Variants in PHAF1 observed in about 807,000 individuals in gnomAD.
The protein encoded by PHAF1 is phagophore assembly factor 1.
A neutral mutation model predicts 63.1 loss-of-function variants in PHAF1; 23 were observed. The ratio of observed to expected loss-of-function variants is 0.36; its 90% confidence interval spans 0.26 to 0.52. The LOEUF (loss-of-function observed/expected upper bound fraction) is 0.52, where lower values mean the gene tolerates loss of function less well. PHAF1 is among the 20% of genes least tolerant of loss of function. The probability of loss-of-function intolerance (pLI) is 0.93; values close to 1 mark genes in which losing one functional copy is unlikely to be tolerated. For synonymous variants in PHAF1, 167 were observed against 185.0 expected (o/e 0.90, Z 0.79); for missense variants, 427 against 517.2 (o/e 0.83, Z 1.69).
rs1349969877 is a variant in PHAF1 at position 67,140,741 on chromosome 16, A to G, written c.879+147A>G. On this transcript the variant is annotated intron_variant, in intron 10 of 15. Coordinates refer to ENST00000219139, the MANE Select transcript of PHAF1 (RefSeq NM_025187.5). ...CTGTCTTTGCCCAGGGTTGTTTTGC[A>G]TAGGCTCTGGTACTCCAAAGTAGAC... 3.6e-5 allele frequency: 24 copies of G among 669,848 alleles called. 1 individual carries two copies. The South Asian group carries it at 4.0e-4, about 11-fold the overall frequency. 41.5% of individuals were successfully genotyped at this position (669,848 alleles called of 1,614,324 possible). A position where few individuals can be genotyped will look rare whatever the true frequency, so the allele number is the denominator to read the frequency against.
intron 4 of PHAF1, 61 bp downstream of exon 4, chr16:67,131,390 C>A: frequency 8.3e-7 from 1 of 1,202,658 alleles, no homozygotes; most frequent in Non-Finnish European, 1.2e-6. Context: ...TATCTACTAT[C>A]TTCATAAGTT....
At position 67,145,640 on chromosome 16, in the gene PHAF1, T is replaced by G. The variant is rs375483976; in HGVS notation, c.1109+12T>G. 14 of 1,607,970 alleles carry G rather than the reference T, an allele frequency of 8.7e-6. No individual in the cohort carries two copies. The highest frequency in any genetic ancestry group is 1.3e-5 in the African/African-American group (1 of 74,500). ...GTTGTCCTGCACAGGTGAGTGGGAGTTTGATGTCCCCGGCCACCCCACCTG... is the reference window on the plus strand; with the variant it reads ...GTTGTCCTGCACAGGTGAGTGGGAGGTTGATGTCCCCGGCCACCCCACCTG... On this transcript the variant is annotated intron_variant, in intron 14 of 15. Coordinates refer to ENST00000219139, the MANE Select transcript of PHAF1 (RefSeq NM_025187.5).
intron 14 of PHAF1, 34 bp downstream of exon 14, chr16:67,145,662 C>A: frequency 6.3e-7 from 1 of 1,595,886 alleles, no homozygotes; most frequent in Non-Finnish European, 8.5e-7. Context: ...GGCCACCCCA[C>A]CTGACTCCTC....
At chr16:67,110,968 C>T (rs1439591383) in intron 1 of PHAF1, among the ~76,000 whole-genome samples, 1 of 152,172 alleles carries the variant, frequency 6.6e-6, no homozygotes, top group Non-Finnish European at 1.5e-5. Context: ...CGCGCCACCA[C>T]ACCCGGCTAA....
chr16:67,126,001 G>A lies in PHAF1; in HGVS notation c.190G>A (p.Gly64Arg), dbSNP rs1330328567. ...CCTCATTCTTAACCTGACTCAGGAC[G>A]GGATCAAACTAATGTTTGATGCTTT... The part of the protein sequence containing the change: ...HDLILNLTQD[G>R]IKLMFDAFNQ... The change falls in exon 3 of 16, where the codon GGG becomes AGG. Residue 64 changes from glycine to arginine, a missense_variant. By Grantham distance (125) the Gly-to-Arg change is moderately radical. Coordinates refer to ENST00000219139, the MANE Select transcript of PHAF1 (RefSeq NM_025187.5). 5 of 1,612,968 alleles carry A rather than the reference G, an allele frequency of 3.1e-6. No homozygotes were observed. Among genetic ancestry groups the A allele is most frequent in the South Asian group, 1.1e-5 (1 of 91,056 alleles).
At position 67,144,275 on chromosome 16, in the gene PHAF1, C is replaced by T. The variant is rs1425843691; in HGVS notation, c.880-19C>T. The stretch of plus-strand genomic sequence containing the variant: ...CTCAGTAACATTCCCTCCTTGAGTA[C>T]CCTTGTTTTCTATCCCAGGACATCC... On this transcript the variant is annotated intron_variant, in intron 10 of 15. Coordinates refer to ENST00000219139, the MANE Select transcript of PHAF1 (RefSeq NM_025187.5). The T allele has an allele frequency of 6.9e-6, 11 of 1,584,148 alleles. No homozygotes were observed. In the South Asian group the frequency reaches 8.9e-5, roughly 13 times the overall value.
intron 10 of PHAF1, among the ~76,000 whole-genome samples, chr16:67,143,971 G>T (rs1168419197): frequency 6.6e-6 from 1 of 151,966 alleles, no homozygotes; most frequent in Non-Finnish European, 1.5e-5. Flanking sequence ...GCGTGGTGGT[G>T]GGCGCCTGTA....
intron 1 of PHAF1, among the ~76,000 whole-genome samples, chr16:67,119,493 T>A (rs1962886345): frequency 6.6e-6 from 1 of 151,506 alleles, no homozygotes; most frequent in African/African-American, 2.4e-5. Flanking sequence ...AAAATAAAAA[T>A]GTAAAAAGGG....
At chr16:67,134,549 G>A (rs1567649479) in intron 8 of PHAF1, 82 bp downstream of exon 8, 1 of 1,156,900 alleles carries the variant, frequency 8.6e-7, no homozygotes, top group Non-Finnish European at 1.3e-6. Flanking sequence ...CTTAGGGTGT[G>A]TCTCAGTCCA....
chr16:67,130,447 C>T (rs1963351167), intron 3 of PHAF1, among the ~76,000 whole-genome samples: 1 of 148,028 alleles, frequency 6.8e-6, no homozygotes, highest in South Asian at 2.2e-4. Context: ...CTCCTGGGTT[C>T]AAGCGGTTCT....
At chr16:67,146,065 T>A (rs1221519683) in intron 14 of PHAF1, among the ~76,000 whole-genome samples, 3 of 152,156 alleles carry the variant, frequency 2.0e-5, no homozygotes, top group African/African-American at 7.2e-5. Context: ...CCACAGTAAC[T>A]TTTTTGTCCT....
At chr16:67,135,840 A>T (rs575532461) in intron 8 of PHAF1, 2 of 152,306 alleles carry the variant, frequency 1.3e-5, no homozygotes, top group South Asian at 4.1e-4. Flanking sequence ...GGCTCAAGCA[A>T]TCCTGCCTTA....
At chr16:67,130,723 C>A (rs1245356622) in intron 3 of PHAF1, among the ~76,000 whole-genome samples, 4 of 152,168 alleles carry the variant, frequency 2.6e-5, no homozygotes, top group Non-Finnish European at 4.4e-5. Context: ...AGGAAGGGGG[C>A]TTAGTGCCCA....
At chr16:67,127,318 C>A (rs1963230986) in intron 3 of PHAF1, among the ~76,000 whole-genome samples, 1 of 152,180 alleles carries the variant, frequency 6.6e-6, no homozygotes, top group South Asian at 2.1e-4. Flanking sequence ...ATGGAGTAGC[C>A]TTTCCAAAAG....
intron 3 of PHAF1, among the ~76,000 whole-genome samples, chr16:67,128,640 G>A (rs886596225): frequency 1.3e-5 from 2 of 152,184 alleles, no homozygotes; most frequent in African/African-American, 4.8e-5. Flanking sequence ...TCCCCTCTGG[G>A]GAAATCAGGA....
At chr16:67,118,441 G>A (rs1962841648) in intron 1 of PHAF1, among the ~76,000 whole-genome samples, 2 of 145,512 alleles carry the variant, frequency 1.4e-5, no homozygotes, top group Admixed American at 7.1e-5. Context: ...AGTTCAAGCA[G>A]TTCTCCTGCC....
At position 67,144,872 on chromosome 16, in the gene PHAF1, A is replaced by C. The variant is rs1382510260; in HGVS notation, c.1001A>C (p.Lys334Thr). ...GAGTTCAAGATCCCACTAGCCATAA[A>C]GAAAGGTGAGTAGTGAAAGCTCTCA... Reference protein sequence around the residue: ...RCEFKIPLAIKKENADGQTET... With the variant: ...RCEFKIPLAITKENADGQTET... Residue 334 changes from lysine (K) to threonine (T), a missense_variant, in exon 12 of 16, where the codon AAG (lysine) becomes ACG (threonine). Physicochemically the swap from Lys to Thr is moderately conservative, Grantham distance 78. Transcript: ENST00000219139. The C allele has an allele frequency of 1.9e-6, 3 of 1,613,950 alleles. No individual in the cohort carries two copies. The highest frequency in any genetic ancestry group is 1.7e-5 in the Admixed American group (1 of 60,032).
chr16:67,143,939 A>G (rs1567655205), intron 10 of PHAF1, among the ~76,000 whole-genome samples: 1 of 151,806 alleles, frequency 6.6e-6, no homozygotes, highest in Non-Finnish European at 1.5e-5. Context: ...AAATAAAAAT[A>G]AATTAAAAAA....
At chr16:67,128,395 T>C (rs1963268792) in intron 3 of PHAF1, among the ~76,000 whole-genome samples, 1 of 152,212 alleles carries the variant, frequency 6.6e-6, no homozygotes, top group South Asian at 2.1e-4. Context: ...TTCTGGAAAC[T>C]GAGCAAGTAA....
Sources: gnomAD v4.1 joint callset for allele counts (sites outside exome capture counted in the v4.1 genomes callset) on GRCh38, gnomAD v4.1.1 for gene constraint, MANE v1.5 for transcripts, NCBI Gene and HGNC (gene_info 2026-07-23, HGNC 2026-07-21) for gene names.